Variants in ZNF90 observed in about 807,000 individuals in gnomAD.
ZNF90 encodes the protein zinc finger protein HTF9.
Under a neutral mutation model 12.0 loss-of-function variants are expected in ZNF90, and 11 were observed. That is an observed-to-expected ratio of 0.92 (90% CI 0.58 to 1.52). The LOEUF (loss-of-function observed/expected upper bound fraction) is 1.52, where lower values mean the gene tolerates loss of function less well. ZNF90 is among the 40% of genes most tolerant of loss of function. ZNF90 has a pLI of 0.00. For synonymous variants in ZNF90, 232 were observed against 240.1 expected (o/e 0.97, Z 0.31); for missense variants, 765 against 711.5 (o/e 1.08, Z -0.86).
chr19:20,113,796 C>G (rs1228079433), intron 3 of ZNF90, among the ~76,000 whole-genome samples: 2 of 151,966 alleles, frequency 1.3e-5, no homozygotes, highest in South Asian at 4.2e-4. Flanking sequence ...CCACTGCACT[C>G]CAGCCTGAGG....
intron 1 of ZNF90, among the ~76,000 whole-genome samples, chr19:20,085,278 T>TCTTTTTTTTTTTTTTTTTTTTG (rs1568282321): frequency 2.0e-5 from 3 of 149,522 alleles, no homozygotes; most frequent in Admixed American, 6.6e-5. Context: ...CTTTTTTTTT[T>TCTTTTTTTTTTTTTTTTTTTTG]AGACGGAGTC....
Position 20,118,824 on chromosome 19 carries a change from C to T in ZNF90, c.1270C>T (p.Pro424Ser). ...IHKISHTEEK[P>S]YKCQECDKVF... is the part of the protein sequence containing the mutation. ...TAAGATAAGTCATACTGAAGAGAAA[C>T]CCTACAAATGTCAAGAATGTGACAA... Residue 424 changes from proline to serine, a missense_variant, in exon 4 of 4, where the codon CCC becomes TCC. Physicochemically the swap from Pro to Ser is moderately conservative, Grantham distance 74. Transcript: ENST00000418063. 2 of 1,603,510 alleles carry T rather than the reference C, an allele frequency of 1.2e-6. No homozygotes were observed. The highest frequency in any genetic ancestry group is 1.7e-6 in the Non-Finnish European group (2 of 1,174,934).
chr19:20,120,131 CTT>C lies in ZNF90; in HGVS notation c.*775_*776del, dbSNP rs1219733309. On this transcript the variant is annotated 3_prime_UTR_variant, in exon 4 of 4. Coordinates refer to ENST00000418063, the MANE Select transcript of ZNF90 (RefSeq NM_007138.2). ...TACAAGTGTGAAGAATGTGGGAAAA[CTT>C]TTTAATCAGTGCATACACCTTATTT... is the stretch of plus-strand genomic sequence containing the variant. Among the ~76,000 whole-genome samples the C allele has an allele frequency of 1.3e-5, 2 of 152,128 alleles. No homozygotes were observed. The highest frequency in any genetic ancestry group is 2.9e-5 in the Non-Finnish European group (2 of 68,032).
chr19:20,101,796 T>G (rs2088992428), intron 1 of ZNF90, among the ~76,000 whole-genome samples: 1 of 152,202 alleles, frequency 6.6e-6, no homozygotes, highest in South Asian at 2.1e-4. Context: ...CAGGTAAACA[T>G]GTCTCAGATG....
chr19:20,089,544 G>A (rs1254711541), intron 1 of ZNF90, among the ~76,000 whole-genome samples: 4 of 152,258 alleles, frequency 2.6e-5, no homozygotes, highest in African/African-American at 9.6e-5. Flanking sequence ...GTGGGTCTTT[G>A]CGGAGAGATA....
At chr19:20,089,578 A>G (rs2088885960) in intron 1 of ZNF90, among the ~76,000 whole-genome samples, 1 of 152,200 alleles carries the variant, frequency 6.6e-6, no homozygotes, top group South Asian at 2.1e-4. Context: ...CCACTGGAAT[A>G]GTAATTTGTG....
chr19:20,108,724 G>A (rs2089060709), intron 3 of ZNF90, among the ~76,000 whole-genome samples: 1 of 126,368 alleles, frequency 7.9e-6, no homozygotes, highest in African/African-American at 3.0e-5. Flanking sequence ...CTTCAGTGTA[G>A]GTTTCTCTTT....
intron 3 of ZNF90, among the ~76,000 whole-genome samples, chr19:20,109,283 T>C (rs890802994): frequency 1.3e-5 from 2 of 152,212 alleles, no homozygotes; most frequent in Non-Finnish European, 2.9e-5. Context: ...CACAATCAGA[T>C]TACATAAGTA....
intron 3 of ZNF90, among the ~76,000 whole-genome samples, chr19:20,112,573 C>A (rs957709122): frequency 2.0e-5 from 3 of 152,058 alleles, no homozygotes. Flanking sequence ...CCACCCACCT[C>A]GGCCTCCCAA....
chr19:20,112,047 G>C (rs1238449220), intron 3 of ZNF90, among the ~76,000 whole-genome samples: 2 of 151,704 alleles, frequency 1.3e-5, no homozygotes, highest in Admixed American at 1.3e-4. Flanking sequence ...TTAGTAGAGA[G>C]AGCGTTTCAC....
intron 1 of ZNF90, among the ~76,000 whole-genome samples, chr19:20,084,220 A>AT (rs1412180642): frequency 1.3e-5 from 2 of 151,326 alleles, no homozygotes; most frequent in African/African-American, 4.9e-5. Context: ...CGCATGGCAA[A>AT]TTTTTTTTGT....
Position 20,104,432 on chromosome 19 carries a change from A to G in ZNF90, c.130+67A>G, listed in dbSNP as rs10411528. 1.9e-3 allele frequency: 2,886 copies of G among 1,522,874 alleles called. 57 individuals are homozygous for G. In the African/African-American group the frequency reaches 0.037, roughly 19 times the overall value. The allele number at this position is 1,522,874 out of a possible 1,614,324, so 94.3% of individuals were successfully genotyped here. ...GGTTGTTTTTATGTTTTTTTGTGGAATGATTTTTAGTAATGTATTGTTTGC... is the reference window on the plus strand; with the variant it reads ...GGTTGTTTTTATGTTTTTTTGTGGAGTGATTTTTAGTAATGTATTGTTTGC... On this transcript the variant is annotated intron_variant, in intron 2 of 3. Transcript: ENST00000418063.
At chr19:20,096,924 G>C (rs2088952064) in intron 1 of ZNF90, among the ~76,000 whole-genome samples, 1 of 152,154 alleles carries the variant, frequency 6.6e-6, no homozygotes, top group African/African-American at 2.4e-5. Context: ...CAGGCACTTG[G>C]CTTCAAGCAG....
chr19:20,109,154 C>G (rs1206727277), intron 3 of ZNF90, among the ~76,000 whole-genome samples: 2 of 152,160 alleles, frequency 1.3e-5, no homozygotes, highest in Non-Finnish European at 2.9e-5. Context: ...TTATGCATCT[C>G]TATCACAGTC....
intron 1 of ZNF90, among the ~76,000 whole-genome samples, chr19:20,102,042 C>T (rs1284709172): frequency 2.0e-5 from 3 of 152,152 alleles, no homozygotes; most frequent in African/African-American, 7.2e-5. Flanking sequence ...TTATGATCCT[C>T]AATGTGGGAT....
intron 3 of ZNF90, among the ~76,000 whole-genome samples, chr19:20,107,645 CT>C (rs1378789485): frequency 2.0e-5 from 3 of 151,876 alleles, no homozygotes; most frequent in Non-Finnish European, 2.9e-5. Context: ...GGATGGCTGA[CT>C]TTTTTTTGCT....
At chr19:20,112,908 T>C (rs1203771393) in intron 3 of ZNF90, among the ~76,000 whole-genome samples, 1 of 152,084 alleles carries the variant, frequency 6.6e-6, no homozygotes, top group African/African-American at 2.4e-5. Context: ...GTTTTACTGC[T>C]TTTTTTGCAA....
intron 1 of ZNF90, among the ~76,000 whole-genome samples, chr19:20,097,687 C>T (rs554821110): frequency 6.6e-6 from 1 of 152,330 alleles, no homozygotes; most frequent in South Asian, 2.1e-4. Context: ...TCTGCAGCTC[C>T]ATATTTTGAA....
At chr19:20,111,298 C>G (rs1385691912) in intron 3 of ZNF90, among the ~76,000 whole-genome samples, 1 of 152,148 alleles carries the variant, frequency 6.6e-6, no homozygotes, top group African/African-American at 2.4e-5. Flanking sequence ...AGGCTCAGTG[C>G]TACCCAAACC....
Sources: gnomAD v4.1 joint callset for allele counts (sites outside exome capture counted in the v4.1 genomes callset) on GRCh38, gnomAD v4.1.1 for gene constraint, MANE v1.5 for transcripts, NCBI Gene and HGNC (gene_info 2026-07-23, HGNC 2026-07-21) for gene names.